FANCM: variants seen among roughly 807,000 people sequenced by gnomAD.
The protein encoded by FANCM is Fanconi anemia group M protein.
FANCM carries 140 observed loss-of-function variants against 199.5 expected under a neutral mutation model. The ratio of observed to expected loss-of-function variants is 0.70; its 90% confidence interval spans 0.61 to 0.81. The LOEUF is 0.81. Among genes scored for constraint, FANCM ranks in the 30% least tolerant of loss-of-function variants. The pLI, the probability that FANCM is intolerant of heterozygous loss-of-function variation, is 0.00. For synonymous variants in FANCM, 840 were observed against 836.8 expected (o/e 1.00, Z -0.07); for missense variants, 2,410 against 2,421.4 (o/e 1.00, Z 0.10).
chr14:45,196,640 C>G lies in FANCM; in HGVS notation c.5716+93C>G, dbSNP rs1032031217. 7.1e-6 allele frequency: 9 copies of G among 1,261,028 alleles called. No individual in the cohort carries two copies. In the Admixed American group the frequency reaches 1.7e-4, roughly 23 times the overall value. 78.1% of individuals were successfully genotyped at this position (1,261,028 alleles called of 1,614,324 possible). A position where few individuals can be genotyped will look rare whatever the true frequency, so the allele number is the denominator to read the frequency against. ...TTCTATTATTAGGATGTGGGAAACT[C>G]TTAAAATATAAACACCTGACTGGTG... On this transcript the variant is annotated intron_variant, in intron 21 of 22. Coordinates refer to ENST00000267430, the MANE Select transcript of FANCM (RefSeq NM_020937.4).
Position 45,189,307 on chromosome 14 carries a change from C to T in FANCM, c.5285C>T (p.Pro1762Leu), listed in dbSNP as rs747356020. The T allele has an allele frequency of 8.1e-6, 13 of 1,613,708 alleles. No individual in the cohort carries two copies. The South Asian group carries it at 1.3e-4, about 16-fold the overall frequency. The change falls in exon 20 of 23, where the codon CCC (proline) becomes CTC (leucine). Residue 1762 changes from proline to leucine, a missense_variant. Pro to Leu is a moderately conservative substitution (Grantham distance 98, BLOSUM62 -3). Coordinates refer to ENST00000267430, the MANE Select transcript of FANCM (RefSeq NM_020937.4). ...AATGAAGTCCAGTCTACCACACCACCCTTCACTACTGTTGATTCACAGAAA... is the reference window on the plus strand; with the variant it reads ...AATGAAGTCCAGTCTACCACACCACTCTTCACTACTGTTGATTCACAGAAA... ...NHNEVQSTTP[P>L]FTTVDSQKDC...
At chr14:45,193,721 A>T (rs952830060) in intron 20 of FANCM, among the ~76,000 whole-genome samples, 1 of 151,006 alleles carries the variant, frequency 6.6e-6, no homozygotes, top group Non-Finnish European at 1.5e-5. Context: ...CTGTAGCTTT[A>T]TAGAAATTTT....
In FANCM at chr14:45,175,798, C is replaced by T. The variant is rs750927672; in HGVS notation, c.3044C>T (p.Thr1015Ile). Residue 1015 changes from threonine to isoleucine, a missense_variant, in exon 14 of 23, where the codon ACT becomes ATT. Physicochemically the swap from Thr to Ile is moderately conservative, Grantham distance 89 (BLOSUM62 -1). Coordinates refer to ENST00000267430, the MANE Select transcript of FANCM (RefSeq NM_020937.4). ...TTGGAATATGAAATTGCTAAGGGTA[C>T]TGCACTTGAGAATTTGCTTTTCTTA... ...SDLEYEIAKG[T>I]ALENLLFLPC... The T allele has an allele frequency of 1.9e-6, 3 of 1,613,776 alleles. No homozygotes were observed. Among genetic ancestry groups the T allele is most frequent in the South Asian group, 1.1e-5 (1 of 91,082 alleles).
At chr14:45,184,612 G>A (rs1156921104) in intron 17 of FANCM, among the ~76,000 whole-genome samples, 2 of 143,986 alleles carry the variant, frequency 1.4e-5, no homozygotes, top group Admixed American at 7.1e-5. Flanking sequence ...AGTGAGCCAA[G>A]ATTGCGCCAC....
chr14:45,151,580 C>T (rs752939656), intron 5 of FANCM, 52 bp downstream of exon 5: 2 of 1,498,100 alleles, frequency 1.3e-6, no homozygotes, highest in Non-Finnish European at 1.9e-6. Context: ...CACTGAAAGC[C>T]AGGATAAAAC....
At chr14:45,189,626 G>A (rs528564603) in intron 20 of FANCM, among the ~76,000 whole-genome samples, 2 of 152,196 alleles carry the variant, frequency 1.3e-5, no homozygotes, top group East Asian at 3.9e-4. Context: ...AAGGTTGTGG[G>A]AAAATAGGGC....
At chr14:45,166,883 G>A in intron 10 of FANCM, 67 bp from the exon 11 acceptor site, 1 of 908,186 alleles carries the variant, frequency 1.1e-6, no homozygotes, top group Non-Finnish European at 1.8e-6. Context: ...ACTAATAATT[G>A]CTTGTTATGG....
Position 45,196,522 on chromosome 14 carries a change from T to G in FANCM, c.5691T>G (p.Ile1897Met). 1 of 1,614,034 alleles carries G rather than the reference T, an allele frequency of 6.2e-7. No homozygotes were observed. The highest frequency in any genetic ancestry group is 2.2e-5 in the East Asian group (1 of 44,872). ...LQSMFERICV[I>M]VEKDREKTGD... is the part of the protein sequence containing the mutation. ...GTATGTTTGAAAGAATATGTGTGAT[T>G]GTGGAAAAGGACAGAGAAAAAACAG... Residue 1897 changes from isoleucine to methionine, a missense_variant, in exon 21 of 23, where the codon ATT becomes ATG. Ile to Met is a conservative substitution (Grantham distance 10, BLOSUM62 1). Coordinates refer to ENST00000267430, the MANE Select transcript of FANCM (RefSeq NM_020937.4).
chr14:45,156,916 C>CAAAAAAA (rs535786477), intron 8 of FANCM, among the ~76,000 whole-genome samples: 2 of 47,790 alleles, frequency 4.2e-5, no homozygotes, highest in East Asian at 6.1e-4. Flanking sequence ...GACTCTGTCT[C>CAAAAAAA]AAAAAAAAAA....
intron 2 of FANCM, among the ~76,000 whole-genome samples, chr14:45,138,619 A>G (rs1220236547): frequency 6.6e-6 from 1 of 152,208 alleles, no homozygotes; most frequent in Admixed American, 6.5e-5. Flanking sequence ...ATGAAATGAA[A>G]TAATAAAACA....
intron 11 of FANCM, 40 bp downstream of exon 11, chr14:45,167,203 G>A (rs550576824): frequency 1.7e-6 from 2 of 1,151,070 alleles, no homozygotes; most frequent in Non-Finnish European, 2.6e-6. Context: ...TTTTTCCCCT[G>A]TTCTTACTTA....
intron 2 of FANCM, among the ~76,000 whole-genome samples, chr14:45,140,069 C>T (rs910577630): frequency 2.6e-5 from 4 of 152,212 alleles, no homozygotes; most frequent in East Asian, 1.9e-4. Context: ...AATATAATTT[C>T]GTATTGCTAT....
Position 45,148,956 on chromosome 14 carries a change from T to A in FANCM, c.879T>A (p.Leu293=). The stretch of plus-strand genomic sequence containing the variant: ...AAGTTGAAAAGCTTATTGTTCCGCT[T>A]GGTGAAGAACTTGCAGCCATCCAAA... The part of the protein sequence containing the change: ...ERKVEKLIVP[L]GEELAAIQKT... The change falls in exon 4 of 23, where the codon CTT becomes CTA. Residue 293 remains leucine (L), a synonymous_variant. Coordinates refer to ENST00000267430, the MANE Select transcript of FANCM (RefSeq NM_020937.4). 6.2e-7 allele frequency: 1 copy of A among 1,613,912 alleles called. No homozygotes were observed. The highest frequency in any genetic ancestry group is 1.1e-5 in the South Asian group (1 of 91,064).
chr14:45,190,820 A>G (rs1440411553), intron 20 of FANCM, among the ~76,000 whole-genome samples: 1 of 151,990 alleles, frequency 6.6e-6, no homozygotes, highest in Non-Finnish European at 1.5e-5. Flanking sequence ...ACAAGAAAGT[A>G]CTTCATTTCT....
intron 16 of FANCM, among the ~76,000 whole-genome samples, chr14:45,183,181 T>C (rs1304930676): frequency 6.6e-6 from 1 of 152,218 alleles, no homozygotes. Context: ...GATTGACTTA[T>C]CAGAAATGAT....
Position 45,151,535 on chromosome 14 carries a change from A to G in FANCM, c.1050+7A>G, listed in dbSNP as rs1173094085. ...CCCATCTCCGAATATTGTGGTAGGT[A>G]TTTTTAAATAAATTTTGATGACAGA... is the stretch of plus-strand genomic sequence containing the variant. On this transcript the variant is annotated splice_region_variant and intron_variant, in intron 5 of 22. Transcript: ENST00000267430. 6.2e-7 allele frequency: 1 copy of G among 1,609,108 alleles called. No homozygotes were observed. The highest frequency in any genetic ancestry group is 1.1e-5 in the South Asian group (1 of 90,964).
chr14:45,145,410 G>T (rs1886291613), intron 3 of FANCM, among the ~76,000 whole-genome samples: 1 of 152,078 alleles, frequency 6.6e-6, no homozygotes, highest in East Asian at 1.9e-4. Flanking sequence ...CCAACCACTA[G>T]GATGGGGAAT....
Position 45,189,116 on chromosome 14 carries a change from C to T in FANCM, c.5094C>T (p.Asn1698=), listed in dbSNP as rs1042174034. Residue 1698 remains asparagine, a synonymous_variant, in exon 20 of 23, where the codon AAC becomes AAT. Transcript: ENST00000267430. ...IAVNPSTVKK[N]KQQDHCLNSV... ...TTAACCCAAGCACTGTTAAGAAGAA[C>T]AAACAACAGGACCATTGTTTAAATT... The T allele has an allele frequency of 1.2e-6, 2 of 1,613,938 alleles. No homozygotes were observed. Among genetic ancestry groups the T allele is most frequent in the African/African-American group, 2.7e-5 (2 of 74,928 alleles).
Position 45,151,441 on chromosome 14 carries a change from G to A in FANCM, c.963G>A (p.Leu321=). 6.2e-7 allele frequency: 1 copy of A among 1,613,258 alleles called. No homozygotes were observed. Among genetic ancestry groups the A allele is most frequent in the South Asian group, 1.1e-5 (1 of 91,064 alleles). ...FARSLIQRNV[L]MRRDIPNLTK... ...GTTCTTTGATTCAGAGGAATGTTTT[G>A]ATGAGAAGGGATATCCCAAATCTAA... Residue 321 remains leucine, a synonymous_variant, in exon 5 of 23, where the codon TTG becomes TTA. Transcript: ENST00000267430.
Sources: gnomAD v4.1 joint callset for allele counts (sites outside exome capture counted in the v4.1 genomes callset) on GRCh38, gnomAD v4.1.1 for gene constraint, MANE v1.5 for transcripts, NCBI Gene and HGNC (gene_info 2026-07-23, HGNC 2026-07-21) for gene names.